Variants in DNAH7 observed in about 807,000 individuals in gnomAD.
DNAH7 encodes dynein axonemal heavy chain 7, also known as axonemal beta dynein heavy chain 7.
A neutral mutation model predicts 444.6 loss-of-function variants in DNAH7; 397 were observed. The ratio of observed to expected loss-of-function variants is 0.89; its 90% CI spans 0.82 to 0.97. DNAH7 has a LOEUF of 0.97. Ranked by LOEUF, DNAH7 falls within the 50% of genes least tolerant of loss-of-function variation. The probability of loss-of-function intolerance (pLI) is 0.00; values close to 1 mark genes in which losing one functional copy is unlikely to be tolerated. For missense variants in DNAH7, 4,902 were observed against 4,800.8 expected (o/e 1.02, Z -0.62); for synonymous variants, 1,636 against 1,624.4 (o/e 1.01, Z -0.17).
chr2:195,831,465 C>T (rs1698067105), intron 48 of DNAH7, among the ~76,000 whole-genome samples: 2 of 152,102 alleles, frequency 1.3e-5, no homozygotes. Flanking sequence ...TCTGAAGAGG[C>T]CAATATCTAA....
chr2:196,049,942 G>C (rs1189656891), intron 3 of DNAH7, among the ~76,000 whole-genome samples: 1 of 152,120 alleles, frequency 6.6e-6, no homozygotes, highest in Non-Finnish European at 1.5e-5. Context: ...TGCAGAACTA[G>C]AGAAAACATG....
At position 195,801,169 on chromosome 2, in the gene DNAH7, C is replaced by T. The variant is rs1035913250; in HGVS notation, c.10177-1697G>A. Among the ~76,000 whole-genome samples, 3 of 152,152 alleles carry T rather than the reference C, an allele frequency of 2.0e-5. No individual in the cohort carries two copies. In the South Asian group the frequency reaches 6.2e-4, roughly 32 times the overall value. Reference sequence around the variant, plus strand: ...GTAGAACCATGAGTTTCTAATCTCTCTTCTTTATAAGTGACGAAGCCTTAG... The same window carrying T: ...GTAGAACCATGAGTTTCTAATCTCTTTTCTTTATAAGTGACGAAGCCTTAG... On this transcript the variant is annotated intron_variant, in intron 54 of 64. Transcript: ENST00000312428.
At chr2:195,975,054 G>C (rs1692092269) in intron 15 of DNAH7, among the ~76,000 whole-genome samples, 2 of 152,134 alleles carry the variant, frequency 1.3e-5, no homozygotes, top group Non-Finnish European at 2.9e-5. Context: ...AAAGATGGCT[G>C]AATCGAAGCC....
At chr2:195,755,946 T>C (rs894895182) in intron 62 of DNAH7, among the ~76,000 whole-genome samples, 187 bp downstream of exon 62, 3 of 152,202 alleles carry the variant, frequency 2.0e-5, no homozygotes, top group Non-Finnish European at 4.4e-5. Flanking sequence ...TCTGCCTTCA[T>C]TTAGTGCTAG....
chr2:195,998,101 C>T (rs73042568), intron 12 of DNAH7, among the ~76,000 whole-genome samples: 10,287 of 152,194 alleles, frequency 0.068, 465 homozygotes, highest in African/African-American at 0.13. Flanking sequence ...ATGAATGATG[C>T]CAACTGTAGG....
chr2:196,020,262 C>G (rs953331802), intron 8 of DNAH7, among the ~76,000 whole-genome samples: 1 of 151,940 alleles, frequency 6.6e-6, no homozygotes, highest in African/African-American at 2.4e-5. Flanking sequence ...ATAAGTTAAG[C>G]TTATATATTT....
chr2:195,994,304 G>A, intron 12 of DNAH7: 2 of 498,308 alleles, frequency 4.0e-6, no homozygotes, highest in Non-Finnish European at 7.2e-6. Flanking sequence ...CAGCATCAAA[G>A]ATATCACTGA....
intron 47 of DNAH7, among the ~76,000 whole-genome samples, chr2:195,836,493 T>C (rs141001277): frequency 6.7e-6 from 1 of 148,804 alleles, no homozygotes. Context: ...TGAGACCCTG[T>C]CTTAAAAAAA....
chr2:195,832,382 T>A (rs1295744443), intron 48 of DNAH7, among the ~76,000 whole-genome samples: 1 of 152,190 alleles, frequency 6.6e-6, no homozygotes. Context: ...AATATTTAAA[T>A]TAACCTAAGT....
At chr2:195,742,424 A>C (rs1693101075) in intron 63 of DNAH7, among the ~76,000 whole-genome samples, 1 of 152,218 alleles carries the variant, frequency 6.6e-6, no homozygotes, top group Non-Finnish European at 1.5e-5. Flanking sequence ...ATTTGGGAAG[A>C]GTGATAATAT....
intron 5 of DNAH7, among the ~76,000 whole-genome samples, chr2:196,045,132 TGGA>T (rs375772751): frequency 3.1e-3 from 308 of 98,608 alleles, no homozygotes; most frequent in African/African-American, 0.012. Context: ...GAAGAGGAGA[TGGA>T]GGAGGAGGAG....
chr2:196,065,316 G>C (rs1343643318), intron 1 of DNAH7, among the ~76,000 whole-genome samples: 1 of 152,036 alleles, frequency 6.6e-6, no homozygotes, highest in African/African-American at 2.4e-5. Context: ...TCTTCATAAG[G>C]GTGTCATATG....
chr2:195,898,427 A>G (rs938957393), intron 28 of DNAH7, among the ~76,000 whole-genome samples: 2 of 152,186 alleles, frequency 1.3e-5, no homozygotes, highest in African/African-American at 4.8e-5. Flanking sequence ...CATCTTATTC[A>G]AAGTCAAAAT....
At chr2:195,892,595 T>C (rs1019407472) in intron 30 of DNAH7, 5 of 152,130 alleles carry the variant, frequency 3.3e-5, no homozygotes, top group Admixed American at 3.3e-4. Flanking sequence ...TTTTCCTTAT[T>C]ATTAACATCT....
chr2:196,024,394 A>G (rs1185152756), intron 8 of DNAH7, 35 bp downstream of exon 8: 2 of 1,431,996 alleles, frequency 1.4e-6, no homozygotes, highest in African/African-American at 2.9e-5. Context: ...AAATGGTCAC[A>G]TAATCAACAT....
chr2:195,767,080 C>A lies in DNAH7; in HGVS notation c.11433+4580G>T, dbSNP rs140297416. 1.5e-4 allele frequency among the ~76,000 whole-genome samples: 23 copies of A among 151,824 alleles called. No individual in the cohort carries two copies. In the East Asian group the frequency reaches 4.4e-3, roughly 29 times the overall value. On this transcript the variant is annotated intron_variant, in intron 61 of 64. Coordinates refer to ENST00000312428, the MANE Select transcript of DNAH7 (RefSeq NM_018897.3). The stretch of plus-strand genomic sequence containing the variant: ...TTATTTTATTATGCTTTTTGTTTTT[C>A]TAACATATATTTGAAGCTGCATTCT...
At chr2:195,825,440 T>G (rs1697694147) in intron 48 of DNAH7, among the ~76,000 whole-genome samples, 1 of 152,242 alleles carries the variant, frequency 6.6e-6, no homozygotes, top group Non-Finnish European at 1.5e-5. Context: ...TTTCCCCATG[T>G]TATTGAAAAC....
intron 19 of DNAH7, among the ~76,000 whole-genome samples, chr2:195,946,934 T>TG (rs1328619556): frequency 1.3e-5 from 2 of 151,976 alleles, no homozygotes; most frequent in African/African-American, 4.8e-5. Flanking sequence ...CAAAAGTGAC[T>TG]GAAAAATTCT....
chr2:195,890,151 A>C (rs1701932301), intron 31 of DNAH7, among the ~76,000 whole-genome samples: 1 of 152,194 alleles, frequency 6.6e-6, no homozygotes, highest in African/African-American at 2.4e-5. Context: ...CAACTGCATT[A>C]ATCTATAAGA....
Sources: gnomAD v4.1 joint callset for allele counts (sites outside exome capture counted in the v4.1 genomes callset) on GRCh38, gnomAD v4.1.1 for gene constraint, MANE v1.5 for transcripts, NCBI Gene and HGNC (gene_info 2026-07-23, HGNC 2026-07-21) for gene names.